Variants in DLG2 observed in about 807,000 individuals in gnomAD.
DLG2 encodes disks large homolog 2.
A neutral mutation model predicts 132.5 loss-of-function variants in DLG2; 45 were observed. That is an observed-to-expected ratio of 0.34 (90% CI 0.27 to 0.44). The LOEUF is 0.44. Among genes scored for constraint, DLG2 ranks in the 20% least tolerant of loss-of-function variants. DLG2 has a pLI of 1.00. For synonymous variants in DLG2, 424 were observed against 419.6 expected, an observed-to-expected ratio of 1.01 and a Z score of -0.13; for missense variants, 1,045 against 1,196.9, an observed-to-expected ratio of 0.87 and a Z score of 1.87.
intron 6 of DLG2, among the ~76,000 whole-genome samples, chr11:84,653,517 G>C (rs1251288488): frequency 6.6e-6 from 1 of 152,012 alleles, no homozygotes; most frequent in African/African-American, 2.4e-5. Context: ...CCTCAGCATC[G>C]TCTATCCTTT....
chr11:84,592,933 TAAAAAAAAAAAAAAAAAAAAAAAAAA>T (rs61017970), intron 6 of DLG2, among the ~76,000 whole-genome samples: 1 of 18,178 alleles, frequency 5.5e-5, no homozygotes, highest in Non-Finnish European at 9.2e-5. Flanking sequence ...CTGTCTCTAC[TAAAAAAAAAAAAAAAAAAAAAAAAAA>T]AAAAAAAAAA....
At chr11:83,959,915 C>A (rs1362293172) in intron 14 of DLG2, among the ~76,000 whole-genome samples, 1 of 151,852 alleles carries the variant, frequency 6.6e-6, no homozygotes. Flanking sequence ...TTATTGTTAA[C>A]GGTGAATAGT....
intron 7 of DLG2, among the ~76,000 whole-genome samples, chr11:84,386,528 T>G (rs970737969): frequency 2.0e-5 from 3 of 152,172 alleles, no homozygotes; most frequent in Non-Finnish European, 4.4e-5. Flanking sequence ...TCTATAATTT[T>G]AAGATTGTTG....
chr11:84,452,223 A>G (rs1208587375), intron 7 of DLG2, among the ~76,000 whole-genome samples: 2 of 151,748 alleles, frequency 1.3e-5, no homozygotes, highest in African/African-American at 4.8e-5. Context: ...CTACCATTTG[A>G]CAACAGTAAG....
At chr11:85,022,636 C>G (rs2060178216) in intron 6 of DLG2, among the ~76,000 whole-genome samples, 1 of 152,034 alleles carries the variant, frequency 6.6e-6, no homozygotes, top group African/African-American at 2.4e-5. Context: ...TTTAAAATAT[C>G]TTTAATAATA....
intron 19 of DLG2, among the ~76,000 whole-genome samples, chr11:83,598,691 CTTT>C (rs1187488851): frequency 1.3e-5 from 2 of 152,296 alleles, no homozygotes; most frequent in East Asian, 3.9e-4. Flanking sequence ...TTATTAGGAT[CTTT>C]GGGAGTCATA....
At chr11:85,102,667 C>T (rs887909931) in intron 6 of DLG2, among the ~76,000 whole-genome samples, 1 of 151,988 alleles carries the variant, frequency 6.6e-6, no homozygotes, top group Non-Finnish European at 1.5e-5. Flanking sequence ...AAAAATTGCA[C>T]AGTTAACATC....
chr11:84,964,073 T>A (rs1415343000), intron 6 of DLG2, among the ~76,000 whole-genome samples: 1 of 152,098 alleles, frequency 6.6e-6, no homozygotes, highest in African/African-American at 2.4e-5. Flanking sequence ...TTAGGAAACA[T>A]GGCTATAAAA....
intron 3 of DLG2, among the ~76,000 whole-genome samples, chr11:85,426,669 G>A (rs1294679015): frequency 6.6e-6 from 1 of 152,150 alleles, no homozygotes; most frequent in Non-Finnish European, 1.5e-5. Context: ...AAACCACAAA[G>A]ATGGGGAAAA....
intron 19 of DLG2, among the ~76,000 whole-genome samples, chr11:83,560,093 G>A (rs1332957023): frequency 6.6e-6 from 1 of 151,876 alleles, no homozygotes; most frequent in African/African-American, 2.4e-5. Flanking sequence ...ATGAAAGAGA[G>A]GGGAAGGATG....
At chr11:83,560,471 T>G (rs926451481) in intron 19 of DLG2, among the ~76,000 whole-genome samples, 2 of 151,026 alleles carry the variant, frequency 1.3e-5, no homozygotes, top group South Asian at 4.2e-4. Flanking sequence ...CATGGAGAGT[T>G]GAGAGTCAAA....
intron 3 of DLG2, among the ~76,000 whole-genome samples, chr11:85,484,543 ACAT>A (rs1260654239): frequency 6.6e-6 from 1 of 151,848 alleles, no homozygotes; most frequent in Admixed American, 6.6e-5. Flanking sequence ...TGGGCGAAGG[ACAT>A]CAACAGACAC....
chr11:84,499,837 C>T (rs755232709), intron 7 of DLG2, among the ~76,000 whole-genome samples: 2 of 152,040 alleles, frequency 1.3e-5, no homozygotes, highest in Non-Finnish European at 2.9e-5. Context: ...ATCTGCTTGT[C>T]TGGCATAGGA....
chr11:83,490,923 C>T (rs910481341), intron 21 of DLG2, among the ~76,000 whole-genome samples: 3 of 151,880 alleles, frequency 2.0e-5, no homozygotes, highest in Non-Finnish European at 4.4e-5. Flanking sequence ...TCTCTCAATT[C>T]AGCGGATTAT....
chr11:84,868,164 T>C (rs2084917493), intron 6 of DLG2, among the ~76,000 whole-genome samples: 1 of 143,618 alleles, frequency 7.0e-6, no homozygotes, highest in Non-Finnish European at 1.5e-5. Flanking sequence ...TAATATATTA[T>C]ATTATTATTA....
intron 6 of DLG2, among the ~76,000 whole-genome samples, chr11:85,106,946 C>T (rs1451099686): frequency 1.3e-5 from 2 of 151,900 alleles, no homozygotes; most frequent in African/African-American, 2.4e-5. Flanking sequence ...TAATGTGTTG[C>T]CAAGTATAAT....
intron 7 of DLG2, among the ~76,000 whole-genome samples, chr11:84,515,285 AC>A (rs2099269221): frequency 1.3e-5 from 2 of 149,338 alleles, no homozygotes; most frequent in South Asian, 2.1e-4. Context: ...ATACACACAC[AC>A]ACACACACAC....
chr11:84,628,100 A>G (rs1278460667), intron 6 of DLG2, among the ~76,000 whole-genome samples: 1 of 113,816 alleles, frequency 8.8e-6, no homozygotes, highest in East Asian at 2.9e-4. Flanking sequence ...ACACACATAT[A>G]TACACACATA....
In DLG2 at chr11:84,490,886, C is replaced by T. The variant is rs565456570; in HGVS notation, c.519+43684G>A. Among the ~76,000 whole-genome samples the T allele has an allele frequency of 6.4e-4, 95 of 147,950 alleles. 1 individual carries two copies. Among genetic ancestry groups the T allele is most frequent in the Middle Eastern group, 3.4e-3 (1 of 290 alleles). ...CCATTCTAACAGATCTGAATGGTTG[C>T]GTGTGTGTGTGTGTGTGTGTGTGCA... On this transcript the variant is annotated intron_variant, in intron 7 of 27. Coordinates refer to ENST00000376104, the MANE Select transcript of DLG2 (RefSeq NM_001142699.3).
Sources: gnomAD v4.1 joint callset for allele counts (sites outside exome capture counted in the v4.1 genomes callset) on GRCh38, gnomAD v4.1.1 for gene constraint, MANE v1.5 for transcripts, NCBI Gene and HGNC (gene_info 2026-07-23, HGNC 2026-07-21) for gene names.